Variants in PRKCG observed in about 807,000 individuals in gnomAD.
The protein encoded by PRKCG is protein kinase C gamma type.
A neutral mutation model predicts 82.0 loss-of-function variants in PRKCG; 28 were observed. That is an observed-to-expected ratio of 0.34 (90% CI 0.25 to 0.47). The LOEUF (loss-of-function observed/expected upper bound fraction) is 0.47, where lower values mean the gene tolerates loss of function less well. Among genes scored for constraint, PRKCG ranks in the 20% least tolerant of loss-of-function variants. The pLI is 1.00. For missense variants in PRKCG, 640 were observed against 952.7 expected, an observed-to-expected ratio of 0.67 and a Z score of 4.32; for synonymous variants, 383 against 376.6, an observed-to-expected ratio of 1.02 and a Z score of -0.20.
chr19:53,898,213 G>C (rs539325952), intron 10 of PRKCG, 102 bp downstream of exon 10: 6 of 1,504,156 alleles, frequency 4.0e-6, no homozygotes, highest in Non-Finnish European at 5.5e-6. Flanking sequence ...CTGGGCTCCT[G>C]CATCTTCAAA....
In PRKCG at chr19:53,883,748, G is replaced by C. The variant is rs977457811; in HGVS notation, c.203-413G>C. On this transcript the variant is annotated intron_variant, in intron 2 of 17. Coordinates refer to ENST00000263431, the MANE Select transcript of PRKCG (RefSeq NM_002739.5). This position sits in a 1 kb window ranked among gnomAD's most constrained non-coding sequence, Gnocchi z 5.4. ...CGCCCCCAGACTCACTTCTGCCCAA[G>C]TTGCTGCTTCCTGGGCTGCGTCTGA... Among the ~76,000 whole-genome samples, 2 of 152,212 alleles carry C rather than the reference G, an allele frequency of 1.3e-5. No individual in the cohort carries two copies. The highest frequency in any genetic ancestry group is 4.8e-5 in the African/African-American group (2 of 41,456).
At chr19:53,902,395 C>G (rs1256441648) in intron 14 of PRKCG, among the ~76,000 whole-genome samples, 1 of 152,114 alleles carries the variant, frequency 6.6e-6, no homozygotes, top group African/African-American at 2.4e-5. Context: ...TCCTGGGCTA[C>G]AGAGTGAGAC....
At chr19:53,898,976 G>T (rs138111385) in intron 11 of PRKCG, among the ~76,000 whole-genome samples, 4 of 141,938 alleles carry the variant, frequency 2.8e-5, no homozygotes, top group Non-Finnish European at 1.5e-5. Context: ...AAATCTTTGG[G>T]GGGGTGGTTT....
chr19:53,885,526 G>A lies in PRKCG; in HGVS notation c.285+1283G>A, dbSNP rs1280430372. Among the ~76,000 whole-genome samples, 6 of 152,220 alleles carry A rather than the reference G, an allele frequency of 3.9e-5. No homozygotes were observed. The East Asian group carries it at 7.7e-4, about 20-fold the overall frequency. ...ATTACAGGCGTGAGCCACCGCGCCC[G>A]GCAGAACTGACTTAAATTTAAACAG... On this transcript the variant is annotated intron_variant, in intron 3 of 17. Transcript: ENST00000263431.
Position 53,889,234 on chromosome 19 carries a change from A to G in PRKCG, c.286-404A>G, listed in dbSNP as rs1298279993. ...CTCCCAAAGTGCTGGGATTACAGGC[A>G]TGAGCCACCGCACCCAGCCAGGACC... On this transcript the variant is annotated intron_variant, in intron 3 of 17. Coordinates refer to ENST00000263431, the MANE Select transcript of PRKCG (RefSeq NM_002739.5). This position sits in a 1 kb window ranked among gnomAD's most constrained non-coding sequence, Gnocchi z 4.4. Among the ~76,000 whole-genome samples the G allele has an allele frequency of 1.3e-5, 2 of 152,088 alleles. No individual in the cohort carries two copies. The highest frequency in any genetic ancestry group is 4.8e-5 in the African/African-American group (2 of 41,408).
chr19:53,902,968 T>C lies in PRKCG; in HGVS notation c.1576-105T>C, dbSNP rs1599953522. 16 of 774,530 alleles carry C rather than the reference T, an allele frequency of 2.1e-5. No homozygotes were observed. In the East Asian group the frequency reaches 3.7e-4, roughly 18 times the overall value. 48.0% of individuals were successfully genotyped at this position (774,530 alleles called of 1,614,324 possible). On this transcript the variant is annotated intron_variant, in intron 14 of 17. Transcript: ENST00000263431. ...AAATATTCAGAGTGGGAAGAGCTTG[T>C]GCTGAAAGCACTTAACGTGGGTAGC...
rs554678232 is a variant in PRKCG, at chr19:53,906,504, G to T, written c.1905+47G>T. ...AAAAACCTGGTCCCTGAAGGGGTGG[G>T]GTTCCCCTGGGCCTCAATATACCTG... On this transcript the variant is annotated intron_variant, in intron 17 of 17. Transcript: ENST00000263431. The T allele has an allele frequency of 1.0e-5, 16 of 1,567,968 alleles. No homozygotes were observed. In the South Asian group the frequency reaches 1.8e-4, roughly 18 times the overall value.
At chr19:53,903,325 G>GTTTTC (rs1568762163) in intron 15 of PRKCG, among the ~76,000 whole-genome samples, 172 bp downstream of exon 15, 1 of 152,148 alleles carries the variant, frequency 6.6e-6, no homozygotes, top group Non-Finnish European at 1.5e-5. Context: ...GTTTTGTTTT[G>GTTTTC]TTTGTTCTGT....
chr19:53,906,432 T>G lies in PRKCG; in HGVS notation c.1880T>G (p.Ile627Ser), dbSNP rs545521865. The stretch of plus-strand genomic sequence containing the variant: ...TGGGAGCGGCTGGAACGATTGGAGA[T>G]CCCGCCTCCTTTCAGACCCCGCCCG... ...IDWERLERLE[I>S]PPPFRPRPCG... The change falls in exon 17 of 18, where the codon ATC becomes AGC. Residue 627 changes from isoleucine to serine, a missense_variant. Ile to Ser is a moderately radical substitution (Grantham distance 142). Transcript: ENST00000263431. 1.9e-6 allele frequency: 3 copies of G among 1,574,554 alleles called. No homozygotes were observed. The highest frequency in any genetic ancestry group is 1.4e-5 in the African/African-American group (1 of 73,866).
Position 53,893,164 on chromosome 19 carries a change from G to T in PRKCG, c.909+89G>T. The T allele has an allele frequency of 2.2e-6, 3 of 1,360,558 alleles. No individual in the cohort carries two copies. The Admixed American group carries it at 5.7e-5, about 26-fold the overall frequency. The allele number at this position is 1,360,558 out of a possible 1,614,324, so 84.3% of individuals were successfully genotyped here. On this transcript the variant is annotated intron_variant, in intron 8 of 17. Coordinates refer to ENST00000263431, the MANE Select transcript of PRKCG (RefSeq NM_002739.5). The stretch of plus-strand genomic sequence containing the variant: ...TTCCTTCCACCCCTGAGTGCCCGCT[G>T]GTCCTGGGACTACAGTTCCCAGAAG...
chr19:53,890,538 C>T (rs529109437), intron 5 of PRKCG, among the ~76,000 whole-genome samples: 6 of 151,446 alleles, frequency 4.0e-5, no homozygotes, highest in East Asian at 4.0e-4. Flanking sequence ...GATTAACAGG[C>T]GTGAGCCACC....
At position 53,883,635 on chromosome 19, in the gene PRKCG, G is replaced by T. The variant is rs900610761; in HGVS notation, c.202+441G>T. 6.7e-6 allele frequency among the ~76,000 whole-genome samples: 1 copy of T among 149,372 alleles called. No homozygotes were observed. The highest frequency in any genetic ancestry group is 2.0e-4 in the East Asian group (1 of 4,974). ...GGGCCGGGCGGGGCCGGCAGTTCTG[G>T]GGGGCGGGAGAGGGGGGCGAGTCCT... On this transcript the variant is annotated intron_variant, in intron 2 of 17. Coordinates refer to ENST00000263431, the MANE Select transcript of PRKCG (RefSeq NM_002739.5). This position sits in a 1 kb window ranked among gnomAD's most constrained non-coding sequence, Gnocchi z 5.4.
rs768291127 is a variant in PRKCG at position 53,906,075 on chromosome 19, C to T, written c.1765-242C>T. Among the ~76,000 whole-genome samples, 338 of 47,718 alleles carry T rather than the reference C, an allele frequency of 7.1e-3. 2 individuals carry two copies. Among genetic ancestry groups the T allele is most frequent in the Middle Eastern group, 0.016 (1 of 64 alleles). The allele number at this position is 47,718 out of a possible 152,430, so 31.3% of individuals were successfully genotyped here. A position where few individuals can be genotyped will look rare whatever the true frequency, so the allele number is the denominator to read the frequency against. ...TCCTCCTCCTCCTCCTCCTCCTCCT[C>T]CTCCTCCTCCTTCTTCTTCTTCTTC... On this transcript the variant is annotated intron_variant, in intron 16 of 17. Transcript: ENST00000263431.
chr19:53,890,674 G>C (rs900454838), intron 5 of PRKCG, among the ~76,000 whole-genome samples: 1 of 144,054 alleles, frequency 6.9e-6, no homozygotes. Context: ...CTCTGCCTCC[G>C]GGGTTCAAGG....
rs558625949 is a variant in PRKCG at position 53,907,270 on chromosome 19, G to C, written c.*375G>C. 2.9e-6 allele frequency: 1 copy of C among 340,796 alleles called. No homozygotes were observed. Among genetic ancestry groups the C allele is most frequent in the Admixed American group, 4.4e-5 (1 of 22,888 alleles). 21.1% of individuals were successfully genotyped at this position (340,796 alleles called of 1,614,324 possible). On this transcript the variant is annotated 3_prime_UTR_variant, in exon 18 of 18. Transcript: ENST00000263431. ...CCCGCCCCTGGGGAAATAGCCTCAC[G>C]GGGTTGGCTGTTCCAGACTCAGGTT... is the stretch of plus-strand genomic sequence containing the variant.
intron 15 of PRKCG, 140 bp from the exon 16 acceptor site, chr19:53,904,495 T>C (rs543778251): frequency 1.4e-6 from 1 of 705,886 alleles, no homozygotes; most frequent in African/African-American, 1.8e-5. Context: ...TGGTCTGATC[T>C]CTCCTGAGGG....
chr19:53,900,444 G>C lies in PRKCG; in HGVS notation c.1399G>C (p.Gly467Arg). ...AAFYAAEIAI[G>R]LFFLHNQGII... is the part of the protein sequence containing the mutation. ...GTTCTACGCGGCAGAAATCGCTATC[G>C]GCCTCTTCTTCCTTCACAATCAGGG... The change falls in exon 13 of 18, where the codon GGC becomes CGC. Residue 467 changes from glycine to arginine, a missense_variant. Transcript: ENST00000263431. The surrounding 1 kb of genome is among the most constrained non-coding windows in gnomAD (Gnocchi z 4.2). The C allele has an allele frequency of 6.2e-7, 1 of 1,614,104 alleles. No individual in the cohort carries two copies. The highest frequency in any genetic ancestry group is 8.5e-7 in the Non-Finnish European group (1 of 1,180,036).
rs1229021207 is a variant in PRKCG at position 53,900,918 on chromosome 19, CTG to C, written c.1575+170_1575+171del. ...GCCTCCAGCACAGGTGAGCTTGGCA[CTG>C]AGCCTGCCAGGTGGGCCCAGCTGGG... On this transcript the variant is annotated intron_variant, in intron 14 of 17. Transcript: ENST00000263431. The surrounding 1 kb of genome is among the most constrained non-coding windows in gnomAD (Gnocchi z 4.2). Among the ~76,000 whole-genome samples, 11 of 152,230 alleles carry C rather than the reference CTG, an allele frequency of 7.2e-5. No individual in the cohort carries two copies. The highest frequency in any genetic ancestry group is 2.7e-4 in the African/African-American group (11 of 41,472).
In PRKCG at chr19:53,903,056, C is replaced by A; in HGVS notation, c.1576-17C>A. 1 of 1,605,388 alleles carries A rather than the reference C, an allele frequency of 6.2e-7. No homozygotes were observed. Among genetic ancestry groups the A allele is most frequent in the Non-Finnish European group, 8.5e-7 (1 of 1,172,132 alleles). On this transcript the variant is annotated splice_polypyrimidine_tract_variant and intron_variant, in intron 14 of 17. Coordinates refer to ENST00000263431, the MANE Select transcript of PRKCG (RefSeq NM_002739.5). ...CTAAAGAACGCATCATGATTCCCTGCCTTCCACCTCCCCTAGATCATTGCC... is the reference window on the plus strand; with the variant it reads ...CTAAAGAACGCATCATGATTCCCTGACTTCCACCTCCCCTAGATCATTGCC...
Sources: allele counts gnomAD v4.1 joint callset (sites outside exome capture counted in the v4.1 genomes callset), GRCh38; gene constraint gnomAD v4.1.1; non-coding constraint Gnocchi (gnomAD v3.1); transcripts MANE v1.5; gene names NCBI Gene and HGNC (gene_info 2026-07-23, HGNC 2026-07-21).